The following DLGAP1 variants were observed in gnomAD, a reference collection of about 807,000 sequenced individuals.
DLGAP1 encodes disks large-associated protein 1.
Under a neutral mutation model 90.8 loss-of-function variants are expected in DLGAP1, and 11 were observed. The ratio of observed to expected loss-of-function variants is 0.12; its 90% CI spans 0.08 to 0.20. The LOEUF (loss-of-function observed/expected upper bound fraction) is 0.20. Among genes scored for constraint, DLGAP1 ranks in the 10% least tolerant of loss-of-function variants. DLGAP1 has a pLI of 1.00. For synonymous variants in DLGAP1, 558 were observed against 540.7 expected, an observed-to-expected ratio of 1.03 and a Z score of -0.44; for missense variants, 1,050 against 1,333.8, an observed-to-expected ratio of 0.79 and a Z score of 3.31.
chr18:3,848,732 C>T (rs937714456), intron 4 of DLGAP1, among the ~76,000 whole-genome samples: 4 of 152,118 alleles, frequency 2.6e-5, no homozygotes, highest in Admixed American at 6.5e-5. Flanking sequence ...TTGGAATCTC[C>T]GGAAACCACC....
At chr18:3,669,941 C>T (rs1039613118) in intron 7 of DLGAP1, among the ~76,000 whole-genome samples, 2 of 152,156 alleles carry the variant, frequency 1.3e-5, no homozygotes, top group African/African-American at 2.4e-5. Flanking sequence ...TAGACACTGC[C>T]GTGGGGTGGG....
At chr18:3,976,555 T>G (rs371272687) in intron 3 of DLGAP1, among the ~76,000 whole-genome samples, 1 of 152,342 alleles carries the variant, frequency 6.6e-6, no homozygotes, top group African/African-American at 2.4e-5. Flanking sequence ...ATTTTCTTCA[T>G]GTTACTGGGC....
chr18:3,671,646 T>C (rs1227585821), intron 7 of DLGAP1, among the ~76,000 whole-genome samples: 1 of 152,228 alleles, frequency 6.6e-6, no homozygotes, highest in East Asian at 1.9e-4. Context: ...AGATTTTGCA[T>C]TTGTATTCCT....
At chr18:4,022,527 C>T (rs4798157) in intron 2 of DLGAP1, among the ~76,000 whole-genome samples, 6 of 151,740 alleles carry the variant, frequency 4.0e-5, no homozygotes, top group Non-Finnish European at 7.4e-5. Context: ...CTTATTCAAC[C>T]CTGTTTTTAA....
chr18:3,973,716 A>C (rs1400889409), intron 3 of DLGAP1, among the ~76,000 whole-genome samples: 1 of 152,204 alleles, frequency 6.6e-6, no homozygotes, highest in Non-Finnish European at 1.5e-5. Context: ...TGACAAACTA[A>C]ATCTAGGCTA....
chr18:3,503,759 T>G (rs768844415), intron 11 of DLGAP1, among the ~76,000 whole-genome samples: 1 of 152,242 alleles, frequency 6.6e-6, no homozygotes, highest in African/African-American at 2.4e-5. Context: ...AAAGACATTT[T>G]AAGTCCTTGG....
At chr18:4,160,905 A>G (rs1247997528) in intron 1 of DLGAP1, among the ~76,000 whole-genome samples, 1 of 152,152 alleles carries the variant, frequency 6.6e-6, no homozygotes, top group Admixed American at 6.5e-5. Context: ...AAATTGAGGC[A>G]CTAAGAGATT....
chr18:4,138,671 T>C (rs2076446229), intron 2 of DLGAP1, among the ~76,000 whole-genome samples: 1 of 152,040 alleles, frequency 6.6e-6, no homozygotes, highest in Non-Finnish European at 1.5e-5. Context: ...TTAGACATAT[T>C]TGTTCTTCCT....
intron 1 of DLGAP1, among the ~76,000 whole-genome samples, chr18:4,360,672 A>C (rs552017211): frequency 1.3e-5 from 2 of 152,176 alleles, no homozygotes; most frequent in Non-Finnish European, 2.9e-5. Flanking sequence ...GATGGAATGA[A>C]AAGAGAATCA....
chr18:4,347,201 T>C (rs2081316527), intron 1 of DLGAP1, among the ~76,000 whole-genome samples: 5 of 152,190 alleles, frequency 3.3e-5, no homozygotes, highest in African/African-American at 1.2e-4. Flanking sequence ...ATAGAGAACA[T>C]TATTAAGGAT....
intron 2 of DLGAP1, among the ~76,000 whole-genome samples, chr18:4,055,033 C>T (rs61257512): frequency 0.29 from 44,719 of 152,032 alleles, 7,035 homozygotes; most frequent in Middle Eastern, 0.56. Flanking sequence ...GTATGTTTTC[C>T]GTTCTCAAGG....
intron 11 of DLGAP1, among the ~76,000 whole-genome samples, chr18:3,504,423 C>T (rs1044329184): frequency 1.3e-5 from 2 of 152,060 alleles, no homozygotes; most frequent in Non-Finnish European, 2.9e-5. Flanking sequence ...TCGCTCTTGT[C>T]GCCCACGCTG....
intron 1 of DLGAP1, among the ~76,000 whole-genome samples, chr18:4,289,204 T>C (rs1598823070): frequency 6.6e-6 from 1 of 152,194 alleles, no homozygotes; most frequent in South Asian, 2.1e-4. Context: ...ATTTTTCTTA[T>C]GTGCCATTGT....
Position 4,445,016 on chromosome 18 carries a change from T to C in DLGAP1, c.-267+9990A>G, listed in dbSNP as rs113460515. On this transcript the variant is annotated intron_variant, in intron 1 of 12. Transcript: ENST00000315677. ...CCATCTGGAACACAGAAGCAACTAC[T>C]AGTATCATGAATCTGTTGACTATCT... is the stretch of plus-strand genomic sequence containing the variant. Among the ~76,000 whole-genome samples the C allele has an allele frequency of 7.3e-3, 1,116 of 152,340 alleles. 12 individuals are homozygous for C. The highest frequency in any genetic ancestry group is 0.026 in the African/African-American group (1,078 of 41,580).
At chr18:3,752,172 C>T (rs1416606495) in intron 5 of DLGAP1, among the ~76,000 whole-genome samples, 1 of 152,150 alleles carries the variant, frequency 6.6e-6, no homozygotes, top group Non-Finnish European at 1.5e-5. Context: ...GTGTGAGCCA[C>T]CACGGCCGGC....
At chr18:4,059,112 T>C (rs1013901953) in intron 2 of DLGAP1, among the ~76,000 whole-genome samples, 1 of 152,078 alleles carries the variant, frequency 6.6e-6, no homozygotes, top group Non-Finnish European at 1.5e-5. Flanking sequence ...CAAGGATGAA[T>C]AGGGGGCCCT....
rs1177989151 is a variant in DLGAP1 at position 3,727,032 on chromosome 18, A to G, written c.1591+2103T>C. Among the ~76,000 whole-genome samples, 1 of 152,246 alleles carries G rather than the reference A, an allele frequency of 6.6e-6. No homozygotes were observed. Among genetic ancestry groups the G allele is most frequent in the Non-Finnish European group, 1.5e-5 (1 of 68,046 alleles). ...AACATGAGACACCCTCCCAGGGCTC[A>G]TTCATCTCCTGCCCTGATAGGCTTG... On this transcript the variant is annotated intron_variant, in intron 7 of 12. Transcript: ENST00000315677. The surrounding 1 kb of genome is among the most constrained non-coding windows in gnomAD (Gnocchi z 4.7).
At chr18:4,273,792 G>A (rs557492812) in intron 1 of DLGAP1, among the ~76,000 whole-genome samples, 1 of 152,302 alleles carries the variant, frequency 6.6e-6, no homozygotes, top group African/African-American at 2.4e-5. Flanking sequence ...CACTTTGTTG[G>A]TGTGTAATTG....
chr18:4,400,697 A>G (rs1314359820), intron 1 of DLGAP1, among the ~76,000 whole-genome samples: 1 of 152,190 alleles, frequency 6.6e-6, no homozygotes, highest in Non-Finnish European at 1.5e-5. Context: ...CAAAGTCAGA[A>G]GTTGAGAAAA....
Sources: allele counts gnomAD v4.1 joint callset (sites outside exome capture counted in the v4.1 genomes callset), GRCh38; gene constraint gnomAD v4.1.1; non-coding constraint Gnocchi (gnomAD v3.1); transcripts MANE v1.5; gene names NCBI Gene and HGNC (gene_info 2026-07-23, HGNC 2026-07-21).